Variants in MAP1S observed in about 807,000 individuals in gnomAD.
MAP1S encodes the protein microtubule-associated protein 1S.
MAP1S carries 27 observed loss-of-function variants against 60.9 expected under a neutral mutation model. That is an observed-to-expected ratio of 0.44 (90% CI 0.33 to 0.61). The LOEUF (loss-of-function observed/expected upper bound fraction) is 0.61, where lower values mean the gene tolerates loss of function less well. MAP1S is among the 20% of genes least tolerant of loss of function. The probability of loss-of-function intolerance (pLI) is 0.03; values close to 1 mark genes in which losing one functional copy is unlikely to be tolerated. For synonymous variants in MAP1S, 826 were observed against 694.2 expected, an observed-to-expected ratio of 1.19 and a Z score of -2.98; for missense variants, 1,608 against 1,486.6, an observed-to-expected ratio of 1.08 and a Z score of -1.34.
intron 5 of MAP1S, 77 bp downstream of exon 5, chr19:17,728,249 T>C: frequency 1.4e-6 from 2 of 1,439,318 alleles, no homozygotes; most frequent in Non-Finnish European, 1.9e-6. Flanking sequence ...CCCCTGTTTT[T>C]ACATTTTCAG....
At chr19:17,724,325 C>T in intron 3 of MAP1S, 117 bp downstream of exon 3, 1 of 803,216 alleles carries the variant, frequency 1.2e-6, no homozygotes, top group East Asian at 2.7e-5. Context: ...ACACCCGGCA[C>T]CACACTTCTT....
At chr19:17,719,984 T>G (rs2145969722) in intron 1 of MAP1S, 77 of 387,846 alleles carry the variant, frequency 2.0e-4, no homozygotes, top group Middle Eastern at 1.2e-3. Context: ...CTGGGGTCGC[T>G]TTGGATCTCC....
intron 2 of MAP1S, among the ~76,000 whole-genome samples, chr19:17,722,780 AGGGAGG>A (rs2080382611): frequency 1.4e-5 from 1 of 72,616 alleles, no homozygotes; most frequent in Non-Finnish European, 2.7e-5. Context: ...GGAGGGAGGG[AGGGAGG>A]GGGAGAGGGA....
intron 3 of MAP1S, 112 bp from the exon 4 acceptor site, chr19:17,724,929 TGGTCGTGG>T: frequency 7.9e-7 from 1 of 1,268,348 alleles, no homozygotes; most frequent in African/African-American, 1.5e-5. Context: ...AGCACTGGGC[TGGTCGTGG>T]GGTGAGGACA....
At chr19:17,721,440 G>A in intron 2 of MAP1S, 1 of 296,940 alleles carries the variant, frequency 3.4e-6, no homozygotes, top group Non-Finnish European at 6.5e-6. Context: ...ACTTTGGGAG[G>A]CCGCAGCGGG....
chr19:17,724,015 G>A lies in MAP1S; in HGVS notation c.221-111G>A, dbSNP rs902313961. ...GTCCTGACCTGCAGCTCTGCCGTGCGCCTGTTAATCTCCATATGATCCCTG... is the reference window on the plus strand; with the variant it reads ...GTCCTGACCTGCAGCTCTGCCGTGCACCTGTTAATCTCCATATGATCCCTG... On this transcript the variant is annotated intron_variant, in intron 2 of 6. Coordinates refer to ENST00000324096, the MANE Select transcript of MAP1S (RefSeq NM_018174.6). 9.9e-5 allele frequency: 74 copies of A among 747,634 alleles called. 1 individual carries two copies. The highest frequency in any genetic ancestry group is 1.2e-4 in the African/African-American group (7 of 58,066). 46.3% of individuals were successfully genotyped at this position (747,634 alleles called of 1,614,324 possible).
intron 1 of MAP1S, chr19:17,719,884 A>G (rs144116349): frequency 6.2e-6 from 1 of 160,518 alleles, no homozygotes; most frequent in East Asian, 1.9e-4. Context: ...GGGTGAAGAT[A>G]GGGGAGGGGA....
intron 5 of MAP1S, among the ~76,000 whole-genome samples, chr19:17,731,280 A>C (rs1021395337): frequency 6.6e-6 from 1 of 152,166 alleles, no homozygotes; most frequent in African/African-American, 2.4e-5. Flanking sequence ...ATTTGGAGGT[A>C]ATTTTTGTAT....
chr19:17,734,423 T>C lies in MAP1S; in HGVS notation c.3175T>C (p.Phe1059Leu), dbSNP rs1354081364. 1.2e-6 allele frequency: 2 copies of C among 1,607,330 alleles called. No homozygotes were observed. Among genetic ancestry groups the C allele is most frequent in the African/African-American group, 1.3e-5 (1 of 74,822 alleles). Reference sequence around the variant, plus strand: ...CGCCTTCCCGGCCTGCAAGGTGGAGTTCTAGCCCCATCGCCGACACGCCCC... The same window carrying C: ...CGCCTTCCCGGCCTGCAAGGTGGAGCTCTAGCCCCATCGCCGACACGCCCC... Reference protein sequence around the residue: ...DDAFPACKVEF With the variant: ...DDAFPACKVEL Residue 1059 changes from phenylalanine to leucine, a missense_variant, in exon 7 of 7, where the codon TTC (phenylalanine) becomes CTC (leucine). Phe to Leu is a conservative substitution (Grantham distance 22). Transcript: ENST00000324096.
At position 17,727,828 on chromosome 19, in the gene MAP1S, G is replaced by A. The variant is rs1403455790; in HGVS notation, c.2444G>A (p.Gly815Asp). 8 of 1,613,422 alleles carry A rather than the reference G, an allele frequency of 5.0e-6. No individual in the cohort carries two copies. Among genetic ancestry groups the A allele is most frequent in the Non-Finnish European group, 6.8e-6 (8 of 1,179,878 alleles). ...GAADSDEDTE[G>D]FGVPRHDPLP... is the part of the protein sequence containing the mutation. ...GCAGACTCAGACGAAGACACAGAGG[G>A]CTTTGGAGTCCCTCGCCACGACCCT... Residue 815 changes from glycine to aspartate, a missense_variant, in exon 5 of 7, where the codon GGC becomes GAC. Gly to Asp is a moderately conservative substitution (Grantham distance 94). Coordinates refer to ENST00000324096, the MANE Select transcript of MAP1S (RefSeq NM_018174.6). This position sits in a 1 kb window ranked among gnomAD's most constrained non-coding sequence, Gnocchi z 4.1.
rs1568291094 is a variant in MAP1S at position 17,725,009 on chromosome 19, T to A, written c.304-40T>A. The stretch of plus-strand genomic sequence containing the variant: ...CAAAGAGGACTGCTGGATACGTCAC[T>A]GCACAGAACGGGTCCTTTAGTGTTC... On this transcript the variant is annotated intron_variant, in intron 3 of 6. Coordinates refer to ENST00000324096, the MANE Select transcript of MAP1S (RefSeq NM_018174.6). The surrounding 1 kb of genome is among the most constrained non-coding windows in gnomAD (Gnocchi z 4.2). The A allele has an allele frequency of 6.2e-7, 1 of 1,613,816 alleles. No homozygotes were observed. Among genetic ancestry groups the A allele is most frequent in the Non-Finnish European group, 8.5e-7 (1 of 1,179,806 alleles).
In MAP1S at chr19:17,725,057, C is replaced by T. The variant is rs2080405203; in HGVS notation, c.312C>T (p.Asn104=). 1.2e-6 allele frequency: 2 copies of T among 1,614,188 alleles called. No homozygotes were observed. Among genetic ancestry groups the T allele is most frequent in the East Asian group, 4.5e-5 (2 of 44,874 alleles). Residue 104 remains asparagine (N), a synonymous_variant, in exon 4 of 7, where the codon AAC becomes AAT. Coordinates refer to ENST00000324096, the MANE Select transcript of MAP1S (RefSeq NM_018174.6). This position sits in a 1 kb window ranked among gnomAD's most constrained non-coding sequence, Gnocchi z 4.2. ...SDKSLYDELR[N]LLLDPASHKL... ...TTCACCCCCTCCCTCAGCTCCGGAA[C>T]CTTCTGTTGGACCCTGCCTCTCACA...
rs1447634334 is a variant in MAP1S at position 17,734,433 on chromosome 19, A to G, written c.*5A>G. The G allele has an allele frequency of 6.2e-7, 1 of 1,603,206 alleles. No individual in the cohort carries two copies. The highest frequency in any genetic ancestry group is 1.1e-5 in the South Asian group (1 of 90,642). On this transcript the variant is annotated 3_prime_UTR_variant, in exon 7 of 7. Transcript: ENST00000324096. ...GCCTGCAAGGTGGAGTTCTAGCCCCATCGCCGACACGCCCCCCACTCAGCC... is the reference window on the plus strand; with the variant it reads ...GCCTGCAAGGTGGAGTTCTAGCCCCGTCGCCGACACGCCCCCCACTCAGCC...
At chr19:17,723,998 C>A in intron 2 of MAP1S, 128 bp from the exon 3 acceptor site, 1 of 678,318 alleles carries the variant, frequency 1.5e-6, no homozygotes, top group Non-Finnish European at 2.6e-6. Context: ...TGGTCCTGAC[C>A]TGCAGCTCTG....
At position 17,726,339 on chromosome 19, in the gene MAP1S, G is replaced by T. The variant is rs1231327458; in HGVS notation, c.955G>T (p.Gly319Trp). ...GGAGCGCTCCGAGGTGGCTGCTGGT[G>T]GGGGCTCCTGGGACGACAGGCTGCG... ...LAERSEVAAGGGSWDDRLRRL... is the reference protein window; with the variant it reads ...LAERSEVAAGWGSWDDRLRRL... The change falls in exon 5 of 7, where the codon GGG becomes TGG. Residue 319 changes from glycine to tryptophan, a missense_variant. Gly to Trp is a radical substitution (Grantham distance 184). This residue lies in a region of MAP1S where 1,167 missense variants were observed against 961.4 expected (regional missense o/e 1.21). Coordinates refer to ENST00000324096, the MANE Select transcript of MAP1S (RefSeq NM_018174.6). The T allele has an allele frequency of 1.2e-6, 2 of 1,601,952 alleles. No homozygotes were observed. Among genetic ancestry groups the T allele is most frequent in the Admixed American group, 3.4e-5 (2 of 59,678 alleles).
chr19:17,730,595 C>CA (rs2080484552), intron 5 of MAP1S, among the ~76,000 whole-genome samples: 1 of 152,198 alleles, frequency 6.6e-6, no homozygotes. Flanking sequence ...GGATTACAGG[C>CA]ATGAGCCACC....
Position 17,734,510 on chromosome 19 carries a change from C to T in MAP1S, c.*82C>T. The T allele has an allele frequency of 2.0e-6, 3 of 1,509,580 alleles. No individual in the cohort carries two copies. The highest frequency in any genetic ancestry group is 2.5e-5 in the South Asian group (2 of 78,600). 93.5% of individuals were successfully genotyped at this position (1,509,580 alleles called of 1,614,324 possible). A position where few individuals can be genotyped will look rare whatever the true frequency, so the allele number is the denominator to read the frequency against. ...ACATCAGAAATAAACTGTGACTACA[C>T]TTGGCTGTGGCCTCTCTTCTTTCTG... On this transcript the variant is annotated 3_prime_UTR_variant, in exon 7 of 7. Coordinates refer to ENST00000324096, the MANE Select transcript of MAP1S (RefSeq NM_018174.6).
chr19:17,721,247 A>T (rs1213295855), intron 2 of MAP1S: 1 of 576,234 alleles, frequency 1.7e-6, no homozygotes, highest in East Asian at 3.1e-5. Flanking sequence ...TCCCTGATTG[A>T]CAGATGAGGA....
rs1568294917 is a variant in MAP1S at position 17,727,957 on chromosome 19, ACGT to A, written c.2575_2577del (p.Val859del). The A allele has an allele frequency of 1.9e-6, 3 of 1,607,174 alleles. No individual in the cohort carries two copies. The African/African-American group carries it at 4.0e-5, about 22-fold the overall frequency. ...CCCAAGACAGCACGGCAAACGGAGA[ACGT>A]CAGCCGCACCCGGAAGCCCCTGGCC... On this transcript the variant is annotated inframe_deletion, in exon 5 of 7. Coordinates refer to ENST00000324096, the MANE Select transcript of MAP1S (RefSeq NM_018174.6). The surrounding 1 kb of genome is among the most constrained non-coding windows in gnomAD (Gnocchi z 4.1).
Sources: allele counts gnomAD v4.1 joint callset (sites outside exome capture counted in the v4.1 genomes callset), GRCh38; gene constraint gnomAD v4.1.1; regional missense constraint gnomAD v4.1.1; non-coding constraint Gnocchi (gnomAD v3.1); transcripts MANE v1.5; gene names NCBI Gene and HGNC (gene_info 2026-07-23, HGNC 2026-07-21).